The following PA2G4 variants were observed in gnomAD, a reference collection of about 807,000 sequenced individuals.
PA2G4 encodes the protein proliferation-associated protein 2G4.
PA2G4 carries 8 observed loss-of-function variants against 53.3 expected under a neutral mutation model. The ratio of observed to expected loss-of-function variants is 0.15; its 90% CI spans 0.09 to 0.27. The LOEUF is 0.27. Among genes scored for constraint, PA2G4 ranks in the 10% least tolerant of loss-of-function variants. The pLI, the probability that PA2G4 is intolerant of heterozygous loss-of-function variation, is 1.00. For synonymous variants in PA2G4, 143 were observed against 169.8 expected (o/e 0.84, Z 1.23); for missense variants, 208 against 486.8 (o/e 0.43, Z 5.39).
chr12:56,104,916 GA>G (rs1869260854), intron 1 of PA2G4, 91 bp downstream of exon 1: 1 of 1,177,652 alleles, frequency 8.5e-7, no homozygotes, highest in East Asian at 2.3e-5. Flanking sequence ...GGGTCATGCG[GA>G]CTGAGCTACT....
At position 56,104,706 on chromosome 12, in the gene PA2G4, G is replaced by A. The variant is rs1384332220; in HGVS notation, c.-32G>A. The A allele has an allele frequency of 1.3e-6, 2 of 1,597,602 alleles. No individual in the cohort carries two copies. Among genetic ancestry groups the A allele is most frequent in the African/African-American group, 1.3e-5 (1 of 74,578 alleles). ...GAGACAGAGGCGGCGGCGGCTCAGG[G>A]GAAACGAGGCTGCAGTGGTGGTAGT... On this transcript the variant is annotated 5_prime_UTR_variant, in exon 1 of 13. Coordinates refer to ENST00000303305, the MANE Select transcript of PA2G4 (RefSeq NM_006191.3).
Position 56,110,462 on chromosome 12 carries a change from C to T in PA2G4, c.693C>T (p.Ser231=), listed in dbSNP as rs1869397314. ...HEVYAVDVLV[S]SGEGKAKDAG... ...TATATGCTGTGGATGTTCTCGTCAG[C>T]TCAGGAGAGGGCAAGGTGAGGAGAG... The change falls in exon 8 of 13, where the codon AGC becomes AGT. Residue 231 remains serine (S), a synonymous_variant. Transcript: ENST00000303305. 6.2e-7 allele frequency: 1 copy of T among 1,613,196 alleles called. No homozygotes were observed. The highest frequency in any genetic ancestry group is 1.3e-5 in the African/African-American group (1 of 74,876).
At chr12:56,105,031 G>C (rs1269736453) in intron 1 of PA2G4, 1 of 703,940 alleles carries the variant, frequency 1.4e-6, no homozygotes, top group Non-Finnish European at 2.6e-6. Flanking sequence ...GGAGGTGCGG[G>C]TCGGCGACCA....
Position 56,110,976 on chromosome 12 carries a change from T to C in PA2G4, c.855T>C (p.Asp285=). 1 of 1,612,880 alleles carries C rather than the reference T, an allele frequency of 6.2e-7. No individual in the cohort carries two copies. The highest frequency in any genetic ancestry group is 8.5e-7 in the Non-Finnish European group (1 of 1,179,976). ...AMPFTLRAFE[D]EKKARMGVVE... is the part of the protein sequence containing the mutation. ...TCTTCCCTGCCAGAGCATTTGAAGA[T>C]GAGAAGAAGGCTCGGATGGGTGTGG... The change falls in exon 10 of 13, where the codon GAT becomes GAC. Residue 285 remains aspartate (D), a synonymous_variant. Coordinates refer to ENST00000303305, the MANE Select transcript of PA2G4 (RefSeq NM_006191.3).
chr12:56,106,554 A>G (rs573085230), intron 1 of PA2G4, 34 bp from the exon 2 acceptor site: 6 of 1,511,224 alleles, frequency 4.0e-6, no homozygotes, highest in African/African-American at 2.8e-5. Context: ...CAATGAATAC[A>G]TACAAGGCTG....
chr12:56,113,159 G>A lies in PA2G4; in HGVS notation c.*271G>A, dbSNP rs757625311. ...ATAAAATCAGGAGTCAAAATTCATC[G>A]TCTTCAAGCCCCTCTTTCTAGCCTT... On this transcript the variant is annotated 3_prime_UTR_variant, in exon 13 of 13. Transcript: ENST00000303305. The A allele has an allele frequency of 1.3e-4, 40 of 308,870 alleles. No individual in the cohort carries two copies. Among genetic ancestry groups the A allele is most frequent in the Non-Finnish European group, 1.9e-4 (32 of 168,878 alleles). 19.1% of individuals were successfully genotyped at this position (308,870 alleles called of 1,614,324 possible).
At position 56,104,577 on chromosome 12, in the gene PA2G4, T is replaced by G. The variant is rs1214108521; in HGVS notation, c.-161T>G. The stretch of plus-strand genomic sequence containing the variant: ...GCGCCTCAGCCCGCGCGCTCGCAGC[T>G]TCTCGCTCTCGCCTGCCTGCCCGCT... On this transcript the variant is annotated 5_prime_UTR_variant, in exon 1 of 13. Transcript: ENST00000303305. The G allele has an allele frequency of 1.3e-6, 1 of 782,834 alleles. No individual in the cohort carries two copies. Among genetic ancestry groups the G allele is most frequent in the Non-Finnish European group, 2.3e-6 (1 of 432,744 alleles). The allele number at this position is 782,834 out of a possible 1,614,324, so 48.5% of individuals were successfully genotyped here.
chr12:56,108,254 G>A (rs772478988), intron 5 of PA2G4, among the ~76,000 whole-genome samples: 1 of 152,082 alleles, frequency 6.6e-6, no homozygotes, highest in Non-Finnish European at 1.5e-5. Flanking sequence ...AGAAAACCCA[G>A]GTTTATGACC....
chr12:56,104,642 G>A lies in PA2G4; in HGVS notation c.-96G>A. The A allele has an allele frequency of 1.7e-6, 2 of 1,154,202 alleles. No homozygotes were observed. Among genetic ancestry groups the A allele is most frequent in the Non-Finnish European group, 2.6e-6 (2 of 759,994 alleles). The allele number at this position is 1,154,202 out of a possible 1,614,324, so 71.5% of individuals were successfully genotyped here. Reference sequence around the variant, plus strand: ...CGCTTTCGCTCGCCCTCTCCTCGAGGATCGAGGGGACTCTGACCACAGCCT... The same window carrying A: ...CGCTTTCGCTCGCCCTCTCCTCGAGAATCGAGGGGACTCTGACCACAGCCT... On this transcript the variant is annotated 5_prime_UTR_variant, in exon 1 of 13. Transcript: ENST00000303305.
chr12:56,104,900 G>C (rs1869260103), intron 1 of PA2G4, 75 bp downstream of exon 1: 2 of 1,311,438 alleles, frequency 1.5e-6, no homozygotes, highest in African/African-American at 1.4e-5. Context: ...AGGGGCTGGA[G>C]CGGAGGGGTC....
At chr12:56,110,263 G>A in intron 7 of PA2G4, 136 bp from the exon 8 acceptor site, 1 of 639,822 alleles carries the variant, frequency 1.6e-6, no homozygotes, top group East Asian at 2.7e-5. Flanking sequence ...GGGAGGCTGA[G>A]GCAGGAGAGT....
At chr12:56,105,396 C>T (rs574483371) in intron 1 of PA2G4, among the ~76,000 whole-genome samples, 1 of 152,328 alleles carries the variant, frequency 6.6e-6, no homozygotes, top group African/African-American at 2.4e-5. Context: ...CAGCTCTTAC[C>T]CTGGTGGGGG....
chr12:56,111,093 T>G (rs1355697514), intron 10 of PA2G4, 35 bp downstream of exon 10: 5 of 1,612,720 alleles, frequency 3.1e-6, no homozygotes, highest in Non-Finnish European at 2.5e-6. Context: ...TTGGATTCCC[T>G]GATTATAAGA....
chr12:56,109,328 T>C (rs761779710), intron 6 of PA2G4, 35 bp downstream of exon 6: 1 of 1,539,758 alleles, frequency 6.5e-7, no homozygotes, highest in Non-Finnish European at 9.0e-7. Flanking sequence ...GGTCTAAGAA[T>C]GAGTGGCTTT....
At chr12:56,107,674 G>T in intron 5 of PA2G4, 61 bp downstream of exon 5, 1 of 1,122,990 alleles carries the variant, frequency 8.9e-7, no homozygotes. Context: ...GGCACCTATA[G>T]CTACTCTATA....
At chr12:56,105,148 C>CCT in intron 1 of PA2G4, 1 of 582,314 alleles carries the variant, frequency 1.7e-6, no homozygotes. Context: ...ATTATTGCTT[C>CCT]CTCTGATTCT....
At chr12:56,107,816 G>GCTGGGAGTTCAAGACCAGC (rs1869332881) in intron 5 of PA2G4, among the ~76,000 whole-genome samples, 1 of 151,648 alleles carries the variant, frequency 6.6e-6, no homozygotes, top group African/African-American at 2.4e-5. Flanking sequence ...ATAGCTTGAG[G>GCTGGGAGTTCAAGACCAGC]CTGGGAGTTC....
Position 56,107,054 on chromosome 12 carries a change from C to T in PA2G4, c.282C>T (p.Ser94=), listed in dbSNP as rs1055287388. Residue 94 remains serine (S), a synonymous_variant, in exon 3 of 13, where the codon AGC becomes AGT. Coordinates refer to ENST00000303305, the MANE Select transcript of PA2G4 (RefSeq NM_006191.3). ...NCVCHFSPLK[S]DQDYILKEGD... ...TATGTCACTTCTCCCCTTTGAAGAG[C>T]GACCAGGATTATATTCTCAAGGAAG... The T allele has an allele frequency of 3.1e-6, 5 of 1,613,606 alleles. No homozygotes were observed. The highest frequency in any genetic ancestry group is 2.2e-5 in the East Asian group (1 of 44,908).
At chr12:56,108,316 G>C (rs368811536) in intron 5 of PA2G4, among the ~76,000 whole-genome samples, 1 of 152,202 alleles carries the variant, frequency 6.6e-6, no homozygotes, top group Non-Finnish European at 1.5e-5. Context: ...TTTAACCTGA[G>C]ACTCAGTTTC....
Sources: allele counts gnomAD v4.1 joint callset (sites outside exome capture counted in the v4.1 genomes callset), GRCh38; gene constraint gnomAD v4.1.1; transcripts MANE v1.5; gene names NCBI Gene and HGNC (gene_info 2026-07-23, HGNC 2026-07-21).